The following IL1RL2 variants were observed in gnomAD, a reference collection of about 807,000 sequenced individuals.
IL1RL2 encodes interleukin-1 receptor-like 2.
Under a neutral mutation model 66.8 loss-of-function variants are expected in IL1RL2, and 68 were observed. The observed-to-expected ratio is 1.02, with a 90% CI of 0.84 to 1.25. The LOEUF is 1.25. IL1RL2 is among the 50% of genes most tolerant of loss of function. The pLI is 0.00. For synonymous variants in IL1RL2, 305 were observed against 264.6 expected (o/e 1.15, Z -1.48); for missense variants, 729 against 709.3 (o/e 1.03, Z -0.32).
Position 102,219,982 on chromosome 2 carries a change from G to C in IL1RL2, c.956G>C (p.Gly319Ala), listed in dbSNP as rs199967801. Residue 319 changes from glycine to alanine, a missense_variant, in exon 8 of 12, where the codon GGA becomes GCA. Gly to Ala is a moderately conservative substitution (Grantham distance 60). Transcript: ENST00000264257. ...GGCCTTCCTTTCATGTGCCACGCTG[G>C]AGTGTCCACAGCATACATTATATTA... is the stretch of plus-strand genomic sequence containing the variant. ...DYGLPFMCHA[G>A]VSTAYIILQL... 8.7e-6 allele frequency: 14 copies of C among 1,613,846 alleles called. No individual in the cohort carries two copies. The Admixed American group carries it at 1.7e-4, about 19-fold the overall frequency.
chr2:102,196,529 T>C (rs180766301), intron 4 of IL1RL2, among the ~76,000 whole-genome samples: 16 of 152,318 alleles, frequency 1.1e-4, no homozygotes, highest in African/African-American at 9.6e-5. Context: ...AGGGATGTCA[T>C]ATGTCTTCAA....
At chr2:102,202,403 G>T (rs1321298647) in intron 5 of IL1RL2, among the ~76,000 whole-genome samples, 5 of 150,848 alleles carry the variant, frequency 3.3e-5, no homozygotes, top group African/African-American at 1.2e-4. Context: ...ATATAATAAT[G>T]GGTATATGAT....
chr2:102,198,148 A>G (rs1687940845), intron 4 of IL1RL2, among the ~76,000 whole-genome samples: 1 of 152,220 alleles, frequency 6.6e-6, no homozygotes, highest in Non-Finnish European at 1.5e-5. Flanking sequence ...ATGAGTACAT[A>G]ATAGGTACGT....
chr2:102,236,306 G>C (rs542834031), intron 11 of IL1RL2, among the ~76,000 whole-genome samples: 1 of 152,276 alleles, frequency 6.6e-6, no homozygotes, highest in South Asian at 2.1e-4. Flanking sequence ...CGGCAGGGGC[G>C]AGAGAGGGAG....
At chr2:102,232,180 C>T (rs564410901) in intron 9 of IL1RL2, among the ~76,000 whole-genome samples, 3 of 150,226 alleles carry the variant, frequency 2.0e-5, no homozygotes, top group South Asian at 2.1e-4. Context: ...GGTGTGATCT[C>T]GGCTCACTGA....
Position 102,235,297 on chromosome 2 carries a change from C to T in IL1RL2, c.1678+20C>T, listed in dbSNP as rs370538529. 13 of 1,605,064 alleles carry T rather than the reference C, an allele frequency of 8.1e-6. No homozygotes were observed. In the Admixed American group the frequency reaches 1.2e-4, roughly 14 times the overall value. ...CCGCAGGTGAGCGGGTGGGAGGACACGAGGTTTGTCACGCACTGATGGAGG... is the reference window on the plus strand; with the variant it reads ...CCGCAGGTGAGCGGGTGGGAGGACATGAGGTTTGTCACGCACTGATGGAGG... On this transcript the variant is annotated intron_variant, in intron 11 of 11. Transcript: ENST00000264257.
rs569464764 is a variant in IL1RL2 at position 102,215,843 on chromosome 2, G to A, written c.725-3110G>A. 3.3e-5 allele frequency among the ~76,000 whole-genome samples: 5 copies of A among 152,242 alleles called. No individual in the cohort carries two copies. In the South Asian group the frequency reaches 1.0e-3, roughly 32 times the overall value. On this transcript the variant is annotated intron_variant, in intron 6 of 11. Coordinates refer to ENST00000264257, the MANE Select transcript of IL1RL2 (RefSeq NM_003854.4). ...CAAAGCCAACATACCTTATCCAACT[G>A]ACATGCTAGGATGCATCTACAGAAA... is the stretch of plus-strand genomic sequence containing the variant.
chr2:102,227,571 A>G (rs1252610766), intron 9 of IL1RL2, among the ~76,000 whole-genome samples: 1 of 152,062 alleles, frequency 6.6e-6, no homozygotes, highest in Non-Finnish European at 1.5e-5. Flanking sequence ...GGGCATGGGG[A>G]GGGGGTCTCT....
intron 6 of IL1RL2, among the ~76,000 whole-genome samples, chr2:102,215,372 A>T (rs770380438): frequency 7.2e-5 from 11 of 152,144 alleles, no homozygotes; most frequent in Non-Finnish European, 1.2e-4. Context: ...CACCATGTTC[A>T]TACAGGTGGC....
At chr2:102,196,563 A>C (rs948834762) in intron 4 of IL1RL2, among the ~76,000 whole-genome samples, 6 of 152,222 alleles carry the variant, frequency 3.9e-5, no homozygotes, top group African/African-American at 1.4e-4. Flanking sequence ...TATCAGAGGA[A>C]GCAGACAAGT....
intron 5 of IL1RL2, among the ~76,000 whole-genome samples, 188 bp downstream of exon 5, chr2:102,201,903 CAGCTT>C (rs1455350601): frequency 1.3e-5 from 2 of 152,102 alleles, no homozygotes; most frequent in East Asian, 3.9e-4. Context: ...AGGGCATGAG[CAGCTT>C]AGTTTCCTCT....
intron 3 of IL1RL2, among the ~76,000 whole-genome samples, chr2:102,189,650 C>T (rs888745023): frequency 6.6e-6 from 1 of 152,032 alleles, no homozygotes; most frequent in African/African-American, 2.4e-5. Flanking sequence ...TGGAGTCTCG[C>T]TCCGTCACCA....
At chr2:102,220,200 C>T (rs1689982939) in intron 8 of IL1RL2, among the ~76,000 whole-genome samples, 183 bp downstream of exon 8, 1 of 152,118 alleles carries the variant, frequency 6.6e-6, no homozygotes, top group Non-Finnish European at 1.5e-5. Flanking sequence ...TGGAGTGAGG[C>T]TGTGATTTTA....
At chr2:102,224,804 A>G (rs528384552) in intron 8 of IL1RL2, among the ~76,000 whole-genome samples, 1 of 152,342 alleles carries the variant, frequency 6.6e-6, no homozygotes, top group African/African-American at 2.4e-5. Context: ...TGATCATTAC[A>G]CATTGTATGC....
intron 5 of IL1RL2, among the ~76,000 whole-genome samples, chr2:102,201,997 G>C (rs1688299173): frequency 6.6e-6 from 1 of 152,154 alleles, no homozygotes; most frequent in African/African-American, 2.4e-5. Flanking sequence ...TAGCTGCTGG[G>C]GTACCTGATG....
At chr2:102,219,164 C>T in intron 7 of IL1RL2, 82 bp downstream of exon 7, 2 of 1,478,808 alleles carry the variant, frequency 1.4e-6, no homozygotes, top group Non-Finnish European at 1.9e-6. Context: ...CTACTGCCTT[C>T]TCCTCTTGTT....
chr2:102,211,957 T>G, intron 5 of IL1RL2, 143 bp from the exon 6 acceptor site: 1 of 519,860 alleles, frequency 1.9e-6, no homozygotes, highest in Non-Finnish European at 3.4e-6. Context: ...TACTTCTGGT[T>G]GAAAATGTGT....
In IL1RL2 at chr2:102,195,557, TTCTCTTTCTTTCTTTCTTTCTTTC is replaced by T. The variant is rs1171670096; in HGVS notation, c.489+3439_489+3462del. Among the ~76,000 whole-genome samples, 268 of 114,036 alleles carry T rather than the reference TTCTCTTTCTTTCTTTCTTTCTTTC, an allele frequency of 2.4e-3. 11 individuals carry two copies. Among genetic ancestry groups the T allele is most frequent in the African/African-American group, 6.2e-3 (179 of 28,898 alleles). The allele number at this position is 114,036 out of a possible 152,430, so 74.8% of individuals were successfully genotyped here. On this transcript the variant is annotated intron_variant, in intron 4 of 11. Coordinates refer to ENST00000264257, the MANE Select transcript of IL1RL2 (RefSeq NM_003854.4). ...GCATTCCCTTATTCTATTTCTTTCT[TTCTCTTTCTTTCTTTCTTTCTTTC>T]TTTCTTTCTTTCTTTCTTTCTTTCT...
chr2:102,187,289 T>G lies in IL1RL2; in HGVS notation c.-13+203T>G, dbSNP rs560159639. ...CGAGGAGTGGAGCTCGCGGCTATTTTCAGCTCCAGCGGCTCCCTGCCTTCC... is the reference window on the plus strand; with the variant it reads ...CGAGGAGTGGAGCTCGCGGCTATTTGCAGCTCCAGCGGCTCCCTGCCTTCC... On this transcript the variant is annotated intron_variant, in intron 1 of 11. Coordinates refer to ENST00000264257, the MANE Select transcript of IL1RL2 (RefSeq NM_003854.4). 266 of 1,175,758 alleles carry G rather than the reference T, an allele frequency of 2.3e-4. No homozygotes were observed. In the African/African-American group the frequency reaches 4.0e-3, roughly 18 times the overall value. 72.8% of individuals were successfully genotyped at this position (1,175,758 alleles called of 1,614,324 possible).
Sources: gnomAD v4.1 joint callset for allele counts (sites outside exome capture counted in the v4.1 genomes callset) on GRCh38, gnomAD v4.1.1 for gene constraint, MANE v1.5 for transcripts, NCBI Gene and HGNC (gene_info 2026-07-23, HGNC 2026-07-21) for gene names.